LAMA2: variants seen among roughly 807,000 people sequenced by gnomAD.
LAMA2 encodes the protein laminin subunit alpha 2.
LAMA2 carries 269 observed loss-of-function variants against 364.8 expected under a neutral mutation model. The ratio of observed to expected loss-of-function variants is 0.74; its 90% CI spans 0.67 to 0.82. LAMA2 has a LOEUF of 0.82. LAMA2 is among the 40% of genes least tolerant of loss of function. The pLI, the probability that LAMA2 is intolerant of heterozygous loss-of-function variation, is 0.00. For missense variants in LAMA2, 3,807 were observed against 3,873.2 expected (o/e 0.98, Z 0.45); for synonymous variants, 1,379 against 1,370.6 (o/e 1.01, Z -0.14).
Position 129,399,402 on chromosome 6 carries a change from T to G in LAMA2, c.5446-1822T>G, listed in dbSNP as rs144197922. ...GTAGTTCCCAGGAATGGATTGAGAT[T>G]ATGCATTTCTAATGAGCTTCCAGGT... is the stretch of plus-strand genomic sequence containing the variant. On this transcript the variant is annotated intron_variant, in intron 37 of 64. Coordinates refer to ENST00000421865, the MANE Select transcript of LAMA2 (RefSeq NM_000426.4). Among the ~76,000 whole-genome samples, 234 of 152,344 alleles carry G rather than the reference T, an allele frequency of 1.5e-3. 1 individual carries two copies. Among genetic ancestry groups the G allele is most frequent in the African/African-American group, 5.4e-3 (225 of 41,568 alleles).
chr6:129,494,268 T>G (rs1039525640), intron 58 of LAMA2, among the ~76,000 whole-genome samples: 7 of 152,224 alleles, frequency 4.6e-5, no homozygotes, highest in Non-Finnish European at 8.8e-5. Context: ...CACGATGGAA[T>G]TGGTTGAGCA....
At chr6:129,379,323 GT>G (rs544494265) in intron 34 of LAMA2, among the ~76,000 whole-genome samples, 5,071 of 144,544 alleles carry the variant, frequency 0.035, 259 homozygotes, top group African/African-American at 0.11. Context: ...TTATGCATGG[GT>G]TTTTTTTTTT....
At chr6:129,316,225 T>A in intron 27 of LAMA2, 54 bp downstream of exon 27, 1 of 1,368,198 alleles carries the variant, frequency 7.3e-7, no homozygotes, top group Admixed American at 1.7e-5. Context: ...GTAAGGAAGG[T>A]TATTGACCTA....
intron 9 of LAMA2, among the ~76,000 whole-genome samples, chr6:129,172,472 C>T (rs1295525613): frequency 1.3e-5 from 2 of 152,214 alleles, no homozygotes; most frequent in Non-Finnish European, 2.9e-5. Context: ...GGGGTGCCTC[C>T]CAGTTACGCT....
At chr6:129,394,832 C>T (rs1054415075) in intron 37 of LAMA2, among the ~76,000 whole-genome samples, 2 of 152,208 alleles carry the variant, frequency 1.3e-5, no homozygotes, top group African/African-American at 4.8e-5. Context: ...CAGAAGTCAT[C>T]ATTCTTGGGC....
chr6:128,918,597 T>A (rs905436033), intron 1 of LAMA2, among the ~76,000 whole-genome samples: 1 of 152,178 alleles, frequency 6.6e-6, no homozygotes, highest in African/African-American at 2.4e-5. Context: ...AACCTAGTGG[T>A]CTTCCTCATC....
chr6:129,499,884 A>AT (rs1401837099), intron 58 of LAMA2, among the ~76,000 whole-genome samples: 2 of 151,592 alleles, frequency 1.3e-5, no homozygotes, highest in Non-Finnish European at 2.9e-5. Flanking sequence ...TGCCCAGCTA[A>AT]TTTTTTATTT....
At chr6:129,348,306 G>A (rs1008861056) in intron 30 of LAMA2, among the ~76,000 whole-genome samples, 5 of 152,180 alleles carry the variant, frequency 3.3e-5, no homozygotes, top group African/African-American at 1.2e-4. Context: ...AATGGCACCT[G>A]ACCAAAAGGA....
intron 59 of LAMA2, 69 bp downstream of exon 59, chr6:129,502,840 G>A (rs1785756234): frequency 9.6e-7 from 1 of 1,044,630 alleles, no homozygotes; most frequent in Non-Finnish European, 1.5e-6. Context: ...GTTTAATCAA[G>A]TTGAATCTAC....
intron 4 of LAMA2, among the ~76,000 whole-genome samples, chr6:129,111,857 G>A (rs1279444374): frequency 6.6e-6 from 1 of 151,984 alleles, no homozygotes; most frequent in African/African-American, 2.4e-5. Flanking sequence ...TTTTATGCTA[G>A]TAATCAGGCA....
chr6:129,192,697 C>T lies in LAMA2; in HGVS notation c.1626C>T (p.Gly542=). 1 of 1,614,024 alleles carries T rather than the reference C, an allele frequency of 6.2e-7. No homozygotes were observed. The highest frequency in any genetic ancestry group is 8.5e-7 in the Non-Finnish European group (1 of 1,179,924). The change falls in exon 12 of 65, where the codon GGC becomes GGT. Residue 542 remains glycine, a synonymous_variant. Coordinates refer to ENST00000421865, the MANE Select transcript of LAMA2 (RefSeq NM_000426.4). ...TCTCTAAGATACAAGATATGAGTGG[C>T]TGGTATCTGACTGACCTTCCTGGCC... The part of the protein sequence containing the change: ...WTYGKIQDMS[G]WYLTDLPGRI...
In LAMA2 at chr6:129,039,797, TGA is replaced by T. The variant is rs928801715; in HGVS notation, c.113-10117_113-10116del. 3.9e-5 allele frequency among the ~76,000 whole-genome samples: 6 copies of T among 152,272 alleles called. No individual in the cohort carries two copies. In the South Asian group the frequency reaches 6.2e-4, roughly 16 times the overall value. On this transcript the variant is annotated intron_variant, in intron 1 of 64. Coordinates refer to ENST00000421865, the MANE Select transcript of LAMA2 (RefSeq NM_000426.4). ...GTTCACAATATGGTTCACGTTCCTG[TGA>T]GAGTCTAATGCTGTTGCTTATCTGA... is the stretch of plus-strand genomic sequence containing the variant.
chr6:128,893,737 T>C (rs1776602106), intron 1 of LAMA2, among the ~76,000 whole-genome samples: 1 of 152,006 alleles, frequency 6.6e-6, no homozygotes, highest in African/African-American at 2.4e-5. Context: ...ATATCTACTA[T>C]TTGATTGTAT....
intron 44 of LAMA2, among the ~76,000 whole-genome samples, chr6:129,443,577 C>T (rs1424691199): frequency 6.6e-6 from 1 of 152,172 alleles, no homozygotes; most frequent in East Asian, 1.9e-4. Context: ...TAGATAAGGT[C>T]TACACTGTTG....
chr6:129,250,668 AG>A (rs1213474319), intron 13 of LAMA2, among the ~76,000 whole-genome samples: 1 of 152,158 alleles, frequency 6.6e-6, no homozygotes, highest in Non-Finnish European at 1.5e-5. Flanking sequence ...TAGGTAAGAA[AG>A]GTACAGGAGA....
intron 3 of LAMA2, 128 bp from the exon 4 acceptor site, chr6:129,098,045 G>A (rs1275938095): frequency 9.1e-7 from 1 of 1,103,686 alleles, no homozygotes; most frequent in African/African-American, 1.6e-5. Context: ...AATCATTTCA[G>A]AGAACATTAT....
intron 1 of LAMA2, among the ~76,000 whole-genome samples, chr6:129,025,098 T>C (rs1465553831): frequency 6.6e-6 from 1 of 152,214 alleles, no homozygotes; most frequent in Non-Finnish European, 1.5e-5. Flanking sequence ...CATTACACAT[T>C]ATAAGTGTCT....
At chr6:129,136,966 C>T (rs1777832779) in intron 4 of LAMA2, among the ~76,000 whole-genome samples, 2 of 152,072 alleles carry the variant, frequency 1.3e-5, no homozygotes, top group Admixed American at 6.6e-5. Flanking sequence ...GTCACCCATC[C>T]GTGACCTGTG....
At chr6:129,444,215 A>G (rs973388408) in intron 44 of LAMA2, among the ~76,000 whole-genome samples, 5 of 152,184 alleles carry the variant, frequency 3.3e-5, no homozygotes, top group Admixed American at 2.6e-4. Flanking sequence ...TCCAAGTTCC[A>G]TTTTGAAACA....
Sources: allele counts gnomAD v4.1 joint callset (sites outside exome capture counted in the v4.1 genomes callset), GRCh38; gene constraint gnomAD v4.1.1; transcripts MANE v1.5; gene names NCBI Gene and HGNC (gene_info 2026-07-23, HGNC 2026-07-21).